The following NPSR1 variants were observed in gnomAD, a reference collection of about 807,000 sequenced individuals.
The protein encoded by NPSR1 is neuropeptide S receptor 1.
Under a neutral mutation model 46.9 loss-of-function variants are expected in NPSR1, and 48 were observed. That is an observed-to-expected ratio of 1.02 (90% CI 0.81 to 1.30). NPSR1 has a LOEUF of 1.30. NPSR1 is among the 50% of genes most tolerant of loss of function. NPSR1 has a pLI of 0.00. For missense variants in NPSR1, 450 were observed against 449.5 expected (o/e 1.00, Z -0.01); for synonymous variants, 176 against 168.1 (o/e 1.05, Z -0.36).
intron 1 of NPSR1, among the ~76,000 whole-genome samples, chr7:34,678,218 C>CTTT (rs869140156): frequency 4.0e-4 from 40 of 100,686 alleles, no homozygotes; most frequent in East Asian, 8.7e-4. Context: ...CTTTGCAATT[C>CTTT]TTTTTTTTTT....
chr7:34,803,841 A>G (rs972912572), intron 3 of NPSR1, among the ~76,000 whole-genome samples: 2 of 152,018 alleles, frequency 1.3e-5, no homozygotes, highest in African/African-American at 4.8e-5. Context: ...GTGGACATTA[A>G]AAGAATGATA....
intron 8 of NPSR1, among the ~76,000 whole-genome samples, chr7:34,877,597 G>A (rs1208301959): frequency 6.6e-6 from 1 of 152,214 alleles, no homozygotes; most frequent in Non-Finnish European, 1.5e-5. Context: ...CCCACTCGAG[G>A]AGTCCAGGGA....
intron 2 of NPSR1, among the ~76,000 whole-genome samples, chr7:34,718,295 G>A (rs551523268): frequency 2.6e-5 from 4 of 152,166 alleles, no homozygotes; most frequent in East Asian, 1.9e-4. Flanking sequence ...AAATCTCTTC[G>A]ATGCTTGTTT....
At chr7:34,693,975 AC>A (rs1157450365) in intron 2 of NPSR1, among the ~76,000 whole-genome samples, 6 of 152,182 alleles carry the variant, frequency 3.9e-5, no homozygotes, top group African/African-American at 1.2e-4. Flanking sequence ...AAAACCCTCA[AC>A]AAATTAGGCA....
At position 34,678,007 on chromosome 7, in the gene NPSR1, C is replaced by T. The variant is rs561709481; in HGVS notation, c.148-6545C>T. Among the ~76,000 whole-genome samples the T allele has an allele frequency of 2.6e-5, 4 of 152,278 alleles. No homozygotes were observed. In the East Asian group the frequency reaches 7.7e-4, roughly 29 times the overall value. Reference sequence around the variant, plus strand: ...GCCTCCTTCTTTGGCTGCTCCCAGACATTGTTCTCACCTCTCCCACCATGG... The same window carrying T: ...GCCTCCTTCTTTGGCTGCTCCCAGATATTGTTCTCACCTCTCCCACCATGG... On this transcript the variant is annotated intron_variant, in intron 1 of 8. Coordinates refer to ENST00000360581, the MANE Select transcript of NPSR1 (RefSeq NM_207172.2).
intron 3 of NPSR1, among the ~76,000 whole-genome samples, chr7:34,798,239 TAA>T (rs1788277600): frequency 6.6e-6 from 1 of 152,106 alleles, no homozygotes; most frequent in East Asian, 1.9e-4. Context: ...ATGACAATAT[TAA>T]AAGAGATGCA....
At chr7:34,805,017 T>A (rs1267550992) in intron 3 of NPSR1, among the ~76,000 whole-genome samples, 1 of 150,128 alleles carries the variant, frequency 6.7e-6, no homozygotes, top group East Asian at 2.0e-4. Flanking sequence ...ACTACAAAAC[T>A]GATGGAAAAA....
chr7:34,861,327 T>C (rs1791186916), intron 8 of NPSR1, among the ~76,000 whole-genome samples: 1 of 151,916 alleles, frequency 6.6e-6, no homozygotes, highest in Non-Finnish European at 1.5e-5. Flanking sequence ...CTTCTGAGAA[T>C]ATGTTTCCCT....
chr7:34,744,739 C>T (rs1785119044), intron 2 of NPSR1, among the ~76,000 whole-genome samples: 1 of 152,122 alleles, frequency 6.6e-6, no homozygotes, highest in Non-Finnish European at 1.5e-5. Context: ...GTTCCCCATC[C>T]TAAAGCTATG....
chr7:34,784,045 C>T (rs1315814598), intron 3 of NPSR1, among the ~76,000 whole-genome samples: 1 of 152,054 alleles, frequency 6.6e-6, no homozygotes, highest in East Asian at 1.9e-4. Flanking sequence ...AAAGAGCGAG[C>T]TAATTAGTGA....
chr7:34,821,965 G>A (rs759900029), intron 4 of NPSR1, among the ~76,000 whole-genome samples: 1 of 152,150 alleles, frequency 6.6e-6, no homozygotes, highest in Non-Finnish European at 1.5e-5. Context: ...AAAACAGGGG[G>A]AGACCTGCAT....
At chr7:34,778,771 C>T (rs1439031120) in intron 3 of NPSR1, among the ~76,000 whole-genome samples, 1 of 152,104 alleles carries the variant, frequency 6.6e-6, no homozygotes, top group African/African-American at 2.4e-5. Flanking sequence ...AAACGAGCCA[C>T]AAATGAGCAA....
chr7:34,722,888 G>A (rs989238935), intron 2 of NPSR1, among the ~76,000 whole-genome samples: 1 of 152,172 alleles, frequency 6.6e-6, no homozygotes, highest in Non-Finnish European at 1.5e-5. Flanking sequence ...CCTCCTTTGA[G>A]CTTTAAAAGA....
chr7:34,853,199 T>C (rs964996888), downstream of NPSR1, among the ~76,000 whole-genome samples: 2 of 152,176 alleles, frequency 1.3e-5, no homozygotes, highest in African/African-American at 4.8e-5. Flanking sequence ...GCATTCACAG[T>C]GTCAATCAGA....
intron 8 of NPSR1, among the ~76,000 whole-genome samples, chr7:34,869,425 T>C (rs2128769740): frequency 6.6e-6 from 1 of 151,720 alleles, no homozygotes; most frequent in East Asian, 1.9e-4. Flanking sequence ...CACACCCTCT[T>C]CTATCAGACA....
chr7:34,660,361 T>C (rs2530553), intron 1 of NPSR1, among the ~76,000 whole-genome samples: 46,076 of 152,142 alleles, frequency 0.3, 8,680 homozygotes, highest in African/African-American at 0.54. Context: ...ACTTAGCTTA[T>C]ATTTCTTAGT....
intron 2 of NPSR1, chr7:34,750,223 G>C (rs779203957): frequency 1.7e-6 from 1 of 586,760 alleles, no homozygotes; most frequent in Non-Finnish European, 3.2e-6. Flanking sequence ...CCTGCACAGG[G>C]AGGAAAGGAA....
chr7:34,797,216 A>C (rs1788212653), intron 3 of NPSR1, among the ~76,000 whole-genome samples: 2 of 152,176 alleles, frequency 1.3e-5, no homozygotes, highest in South Asian at 4.1e-4. Context: ...GAGGGGGAAC[A>C]AAGGGCAGTA....
At chr7:34,734,918 T>C (rs561981983) in intron 2 of NPSR1, among the ~76,000 whole-genome samples, 1 of 152,196 alleles carries the variant, frequency 6.6e-6, no homozygotes, top group Non-Finnish European at 1.5e-5. Context: ...CTTGCCCTCT[T>C]GGCTGTACTT....
Sources: allele counts gnomAD v4.1 joint callset (sites outside exome capture counted in the v4.1 genomes callset), GRCh38; gene constraint gnomAD v4.1.1; transcripts MANE v1.5; gene names NCBI Gene and HGNC (gene_info 2026-07-23, HGNC 2026-07-21).